The following SYNJ2 variants were observed in gnomAD, a reference collection of about 807,000 sequenced individuals.
SYNJ2 encodes synaptojanin 2, also known as polyphosphatidylinositol phosphatase SYNJ2.
SYNJ2 carries 116 observed loss-of-function variants against 141.3 expected under a neutral mutation model. The ratio of observed to expected loss-of-function variants is 0.82; its 90% CI spans 0.71 to 0.96. The LOEUF (loss-of-function observed/expected upper bound fraction) is 0.96, where lower values mean the gene tolerates loss of function less well. Among genes scored for constraint, SYNJ2 ranks in the 40% least tolerant of loss-of-function variants. The probability of loss-of-function intolerance (pLI) is 0.00; values close to 1 mark genes in which losing one functional copy is unlikely to be tolerated. For missense variants in SYNJ2, 1,873 were observed against 1,934.8 expected (o/e 0.97, Z 0.60); for synonymous variants, 745 against 777.7 (o/e 0.96, Z 0.70).
intron 5 of SYNJ2, among the ~76,000 whole-genome samples, chr6:158,054,187 A>T (rs1387176213): frequency 6.8e-6 from 1 of 147,848 alleles, no homozygotes; most frequent in African/African-American, 2.5e-5. Flanking sequence ...CCATCCATCC[A>T]TCCATCCACT....
intron 17 of SYNJ2, chr6:158,077,768 C>A (rs1782407267): frequency 6.5e-6 from 1 of 152,994 alleles, no homozygotes; most frequent in Non-Finnish European, 1.5e-5. Flanking sequence ...TTTGTGAACG[C>A]CTGTGTGGCC....
chr6:157,989,646 TG>T (rs1322184671), intron 1 of SYNJ2, among the ~76,000 whole-genome samples: 2 of 151,888 alleles, frequency 1.3e-5, no homozygotes, highest in Non-Finnish European at 2.9e-5. Flanking sequence ...CCCACGCTCC[TG>T]GGGGCAGAGC....
chr6:158,059,480 T>G, intron 7 of SYNJ2, 127 bp downstream of exon 7: 1 of 1,479,052 alleles, frequency 6.8e-7, no homozygotes, highest in Non-Finnish European at 9.0e-7. Flanking sequence ...TTCCTGAGGC[T>G]TCCCCAGCAT....
chr6:158,000,308 A>C (rs1440557451), intron 1 of SYNJ2, among the ~76,000 whole-genome samples: 1 of 152,066 alleles, frequency 6.6e-6, no homozygotes, highest in African/African-American at 2.4e-5. Flanking sequence ...GAGAGTCACA[A>C]ACCATATGTG....
chr6:157,985,264 C>G (rs1185813390), intron 1 of SYNJ2, among the ~76,000 whole-genome samples: 3 of 144,248 alleles, frequency 2.1e-5, no homozygotes, highest in Non-Finnish European at 4.4e-5. Flanking sequence ...CTTCACCTGT[C>G]CTGCTCTAAA....
intron 24 of SYNJ2, 143 bp downstream of exon 24, chr6:158,088,915 C>G (rs1783256901): frequency 3.2e-6 from 2 of 618,220 alleles, no homozygotes; most frequent in Admixed American, 5.9e-5. Flanking sequence ...CATAACCCTT[C>G]CTCGCAGGTT....
chr6:158,084,799 G>A lies in SYNJ2; in HGVS notation c.3208+625G>A, dbSNP rs185235430. Among the ~76,000 whole-genome samples, 18 of 152,076 alleles carry A rather than the reference G, an allele frequency of 1.2e-4. No individual in the cohort carries two copies. Among genetic ancestry groups the A allele is most frequent in the Admixed American group, 5.9e-4 (9 of 15,264 alleles). ...TGCACTCCAGCTTGGGTGACAAAGT[G>A]AGATTCCGTCTCAAAACAACAACAA... On this transcript the variant is annotated intron_variant, in intron 22 of 26. Transcript: ENST00000355585. This position sits in a 1 kb window ranked among gnomAD's most constrained non-coding sequence, Gnocchi z 5.0.
chr6:157,996,678 C>T (rs981799553), intron 1 of SYNJ2, among the ~76,000 whole-genome samples: 2 of 152,190 alleles, frequency 1.3e-5, no homozygotes, highest in African/African-American at 4.8e-5. Context: ...GGTGGTTTCT[C>T]ATGAATGGTC....
intron 2 of SYNJ2, among the ~76,000 whole-genome samples, chr6:158,023,083 C>T (rs1211454914): frequency 6.6e-6 from 1 of 152,080 alleles, no homozygotes; most frequent in Non-Finnish European, 1.5e-5. Flanking sequence ...GACTATGTCT[C>T]TACATAGTGA....
At chr6:157,996,977 A>G (rs1777654714) in intron 1 of SYNJ2, among the ~76,000 whole-genome samples, 1 of 152,038 alleles carries the variant, frequency 6.6e-6, no homozygotes, top group African/African-American at 2.4e-5. Context: ...ACAGACTAGT[A>G]CACCAAGGGT....
chr6:158,025,132 G>A (rs1253160068), intron 2 of SYNJ2, among the ~76,000 whole-genome samples: 1 of 152,152 alleles, frequency 6.6e-6, no homozygotes, highest in African/African-American at 2.4e-5. Flanking sequence ...CCGCAGATTG[G>A]CCGGCTGTGA....
chr6:158,009,495 CGGCTAAAAATCT>C (rs1001971728), intron 1 of SYNJ2, among the ~76,000 whole-genome samples: 3 of 152,146 alleles, frequency 2.0e-5, no homozygotes, highest in Admixed American at 6.5e-5. Flanking sequence ...ACAGAGCCGG[CGGCTAAAAATCT>C]GGCAAGAGGA....
chr6:158,065,092 G>T, intron 11 of SYNJ2, 101 bp downstream of exon 11: 2 of 1,396,764 alleles, frequency 1.4e-6, no homozygotes, highest in South Asian at 3.1e-5. Flanking sequence ...TGGCAGAGGT[G>T]CCTGGGATCT....
At chr6:157,988,239 C>G (rs555700181) in intron 1 of SYNJ2, among the ~76,000 whole-genome samples, 1 of 152,304 alleles carries the variant, frequency 6.6e-6, no homozygotes, top group East Asian at 1.9e-4. Context: ...TGTGTGTATG[C>G]ACGAGGCTCC....
chr6:158,072,734 GT>G (rs761564388), intron 15 of SYNJ2, among the ~76,000 whole-genome samples: 59 of 47,074 alleles, frequency 1.3e-3, no homozygotes, highest in Non-Finnish European at 2.1e-3. Context: ...GTGTAATGCA[GT>G]TTAAAAAAAA....
rs1156889319 is a variant in SYNJ2 at position 158,095,729 on chromosome 6, G to A, written c.3856G>A (p.Val1286Ile). Residue 1286 changes from valine (V) to isoleucine (I), a missense_variant, in exon 27 of 27, where the codon GTT becomes ATT. By Grantham distance (29) the Val-to-Ile change is conservative. Coordinates refer to ENST00000355585, the MANE Select transcript of SYNJ2 (RefSeq NM_003898.4). ...PVVTAPRVPPVPKPRTFQPGK... is the reference protein window; with the variant it reads ...PVVTAPRVPPIPKPRTFQPGK... ...CGTGACAGCCCCTCGAGTCCCTCCT[G>A]TTCCCAAACCAAGAACATTTCAGCC... 1 of 1,614,088 alleles carries A rather than the reference G, an allele frequency of 6.2e-7. No homozygotes were observed. The highest frequency in any genetic ancestry group is 8.5e-7 in the Non-Finnish European group (1 of 1,180,006).
chr6:158,007,854 T>G (rs1778129801), intron 1 of SYNJ2, among the ~76,000 whole-genome samples: 1 of 152,122 alleles, frequency 6.6e-6, no homozygotes. Context: ...AGTGGTGTGA[T>G]CACAGCTCAC....
At chr6:158,033,274 G>A (rs1031554870) in intron 3 of SYNJ2, among the ~76,000 whole-genome samples, 181 bp from the exon 4 acceptor site, 15 of 152,186 alleles carry the variant, frequency 9.9e-5, no homozygotes, top group African/African-American at 3.6e-4. Flanking sequence ...TCTCTTTGAA[G>A]CACATGAACT....
chr6:158,038,697 G>T (rs1188916706), intron 4 of SYNJ2, among the ~76,000 whole-genome samples: 1 of 152,226 alleles, frequency 6.6e-6, no homozygotes, highest in East Asian at 1.9e-4. Flanking sequence ...GGGTGGGCAT[G>T]GGGGGCAGTG....
Sources: gnomAD v4.1 joint callset for allele counts (sites outside exome capture counted in the v4.1 genomes callset) on GRCh38, gnomAD v4.1.1 for gene constraint, Gnocchi (gnomAD v3.1) non-coding constraint, MANE v1.5 for transcripts, NCBI Gene and HGNC (gene_info 2026-07-23, HGNC 2026-07-21) for gene names.